KIAA1217: variants seen among roughly 807,000 people sequenced by gnomAD.
The protein encoded by KIAA1217 is KIAA1217.
KIAA1217 carries 88 observed loss-of-function variants against 163.9 expected under a neutral mutation model. The ratio of observed to expected loss-of-function variants is 0.54; its 90% CI spans 0.45 to 0.64. KIAA1217 has a LOEUF of 0.64. Among genes scored for constraint, KIAA1217 ranks in the 30% least tolerant of loss-of-function variants. KIAA1217 has a pLI of 0.00. For synonymous variants in KIAA1217, 903 were observed against 923.1 expected (o/e 0.98, Z 0.39); for missense variants, 2,372 against 2,475.0 (o/e 0.96, Z 0.88).
At chr10:23,937,278 G>A in intron 1 of KIAA1217, among the ~76,000 whole-genome samples, 1 of 152,106 alleles carries the variant, frequency 6.6e-6, no homozygotes, top group Non-Finnish European at 1.5e-5. Flanking sequence ...TACTATGACT[G>A]AAAAATGGTG....
At chr10:24,531,718 A>T (rs1024704701) in intron 14 of KIAA1217, 112 bp from the exon 15 acceptor site, 3 of 1,070,878 alleles carry the variant, frequency 2.8e-6, no homozygotes, top group Admixed American at 5.9e-5. Context: ...TGCTCTATGG[A>T]GAGAACAGAA....
intron 2 of KIAA1217, among the ~76,000 whole-genome samples, chr10:24,180,991 TGTATA>T (rs2066145947): frequency 6.6e-6 from 1 of 152,214 alleles, no homozygotes; most frequent in African/African-American, 2.4e-5. Flanking sequence ...ATGATTCCTC[TGTATA>T]GTGAAGTTTA....
At chr10:23,995,925 G>A (rs1351489337) in intron 1 of KIAA1217, among the ~76,000 whole-genome samples, 1 of 151,996 alleles carries the variant, frequency 6.6e-6, no homozygotes, top group Non-Finnish European at 1.5e-5. Context: ...AAGTCACTTC[G>A]CCTCTTGTTT....
intron 1 of KIAA1217, among the ~76,000 whole-genome samples, chr10:23,890,268 T>C (rs940494867): frequency 2.2e-4 from 34 of 151,850 alleles, no homozygotes; most frequent in Non-Finnish European, 2.7e-4. Flanking sequence ...CTGTTCACTC[T>C]GGGATTAGTT....
At chr10:23,886,038 C>CGCGTGGGGGGGTCCG in intron 1 of KIAA1217, among the ~76,000 whole-genome samples, 1 of 151,986 alleles carries the variant, frequency 6.6e-6, no homozygotes, top group African/African-American at 2.4e-5. Flanking sequence ...AACGTACTTA[C>CGCGTGGGGGGGTCCG]GCGTATTTCC....
chr10:24,249,216 T>C (rs1410332449), intron 2 of KIAA1217, among the ~76,000 whole-genome samples: 2 of 152,216 alleles, frequency 1.3e-5, no homozygotes, highest in Non-Finnish European at 2.9e-5. Context: ...TGCAACTAAC[T>C]GCAAATATTT....
rs186077381 is a variant in KIAA1217 at position 23,966,377 on chromosome 10, G to T, written c.-320-40848G>T. 1.6e-3 allele frequency among the ~76,000 whole-genome samples: 241 copies of T among 152,236 alleles called. 2 individuals are homozygous for T. The highest frequency in any genetic ancestry group is 4.2e-3 in the African/African-American group (176 of 41,536). On this transcript the variant is annotated intron_variant, in intron 1 of 18. Transcript: ENST00000376462. ...GAAGTCTCTAAGAGAGCACTGTTTG[G>T]AGAAAGTTTCATAGAAAAGCACATG...
At chr10:23,878,749 GGT>G (rs748169371) in intron 1 of KIAA1217, among the ~76,000 whole-genome samples, 1 of 151,914 alleles carries the variant, frequency 6.6e-6, no homozygotes, top group Non-Finnish European at 1.5e-5. Context: ...AGAGAAAAGT[GGT>G]GGGGTTTGGA....
chr10:24,211,576 TA>T (rs1457722990), intron 1 of KIAA1217, among the ~76,000 whole-genome samples: 2 of 144,752 alleles, frequency 1.4e-5, no homozygotes, highest in African/African-American at 5.2e-5. Flanking sequence ...TATTGTATTG[TA>T]TTGTATTGTA....
intron 2 of KIAA1217, among the ~76,000 whole-genome samples, chr10:24,087,826 A>C (rs1408347806): frequency 1.3e-5 from 2 of 152,210 alleles, no homozygotes; most frequent in Admixed American, 6.5e-5. Flanking sequence ...CTAATCAAAG[A>C]GTTAGGGAAT....
chr10:24,496,633 A>G lies in KIAA1217; in HGVS notation c.1834+1437A>G, dbSNP rs544406160. Among the ~76,000 whole-genome samples the G allele has an allele frequency of 2.6e-4, 39 of 152,336 alleles. 1 individual carries two copies. The highest frequency in any genetic ancestry group is 8.5e-4 in the Admixed American group (13 of 15,294). On this transcript the variant is annotated intron_variant, in intron 8 of 20. Coordinates refer to ENST00000376454, the MANE Select transcript of KIAA1217 (RefSeq NM_019590.5). The stretch of plus-strand genomic sequence containing the variant: ...TCATGCATTCACTCATGAACTCCTT[A>G]CCGCAGCATCTAGGGAGAGGTACAG...
chr10:23,986,834 T>C (rs1845990419), intron 1 of KIAA1217, among the ~76,000 whole-genome samples: 1 of 152,204 alleles, frequency 6.6e-6, no homozygotes, highest in Non-Finnish European at 1.5e-5. Flanking sequence ...TACTCCTTAA[T>C]TCATTCAACA....
intron 1 of KIAA1217, among the ~76,000 whole-genome samples, chr10:23,972,408 C>G (rs938476654): frequency 6.6e-6 from 1 of 151,606 alleles, no homozygotes; most frequent in African/African-American, 2.4e-5. Context: ...ATGGCACATA[C>G]ACACCACAGA....
chr10:23,962,302 G>T (rs944594168), intron 1 of KIAA1217, among the ~76,000 whole-genome samples: 2 of 152,152 alleles, frequency 1.3e-5, no homozygotes, highest in African/African-American at 2.4e-5. Flanking sequence ...TAAAATAGGG[G>T]TATATGAAGT....
intron 2 of KIAA1217, among the ~76,000 whole-genome samples, chr10:24,112,823 T>C (rs560122118): frequency 3.3e-3 from 502 of 152,018 alleles, no homozygotes; most frequent in African/African-American, 0.012. Context: ...CCTGACCTCA[T>C]GATCCTCCCG....
intron 2 of KIAA1217, among the ~76,000 whole-genome samples, chr10:24,369,664 C>A (rs555417510): frequency 2.6e-5 from 4 of 152,284 alleles, no homozygotes; most frequent in East Asian, 1.9e-4. Context: ...GTACTTAGCA[C>A]CATGTTTTGC....
chr10:24,068,576 C>G (rs1218826156), intron 2 of KIAA1217, among the ~76,000 whole-genome samples: 1 of 152,114 alleles, frequency 6.6e-6, no homozygotes, highest in African/African-American at 2.4e-5. Flanking sequence ...ACCACTTTGC[C>G]CAGTCTTCAT....
At chr10:24,449,499 A>T in intron 5 of KIAA1217, 7 of 985,202 alleles carry the variant, frequency 7.1e-6, no homozygotes, top group Non-Finnish European at 8.4e-6. Context: ...CCGGGACAGG[A>T]AAAATGCCTT....
chr10:24,369,287 G>A (rs1296803144), intron 2 of KIAA1217, among the ~76,000 whole-genome samples: 3 of 151,634 alleles, frequency 2.0e-5, no homozygotes, highest in Admixed American at 6.6e-5. Context: ...CTGGCGGGAG[G>A]GGGAATGTGT....
Sources: gnomAD v4.1 joint callset for allele counts (sites outside exome capture counted in the v4.1 genomes callset) on GRCh38, gnomAD v4.1.1 for gene constraint, MANE v1.5 for transcripts, NCBI Gene and HGNC (gene_info 2026-07-23, HGNC 2026-07-21) for gene names.